Variants in UBAP1L observed in about 807,000 individuals in gnomAD.
UBAP1L encodes ubiquitin-associated protein 1-like.
A neutral mutation model predicts 32.1 loss-of-function variants in UBAP1L; 32 were observed. The observed-to-expected ratio is 1.00, with a 90% CI of 0.75 to 1.34. The LOEUF is 1.34. Ranked by LOEUF, UBAP1L falls within the 40% of genes most tolerant of loss-of-function variation. The probability of loss-of-function intolerance (pLI) is 0.00; values close to 1 mark genes in which losing one functional copy is unlikely to be tolerated. For synonymous variants in UBAP1L, 243 were observed against 250.2 expected (o/e 0.97, Z 0.27); for missense variants, 516 against 540.5 (o/e 0.95, Z 0.45).
chr15:65,094,868 G>C lies in UBAP1L; in HGVS notation c.910-292C>G, dbSNP rs990429574. On this transcript the variant is annotated intron_variant, in intron 4 of 5. Transcript: ENST00000559089. The surrounding 1 kb of genome is among the most constrained non-coding windows in gnomAD (Gnocchi z 4.2). ...AGGGTGTTCATAGAACCTAGGTGGGGAGCAGGACAGGCTTCAAACACAGAC... is the reference window on the plus strand; with the variant it reads ...AGGGTGTTCATAGAACCTAGGTGGGCAGCAGGACAGGCTTCAAACACAGAC... 7.2e-5 allele frequency: 33 copies of C among 461,528 alleles called. No individual in the cohort carries two copies. The highest frequency in any genetic ancestry group is 6.5e-4 in the African/African-American group (33 of 50,578). 28.6% of individuals were successfully genotyped at this position (461,528 alleles called of 1,614,324 possible).
intron 1 of UBAP1L, among the ~76,000 whole-genome samples, chr15:65,109,224 C>A (rs907344529): frequency 6.7e-6 from 1 of 149,854 alleles, no homozygotes; most frequent in South Asian, 2.1e-4. Context: ...GTGGCTCACA[C>A]CTGTAATCCC....
intron 4 of UBAP1L, chr15:65,098,682 A>G (rs1428947542): frequency 6.6e-6 from 1 of 152,208 alleles, no homozygotes; most frequent in Non-Finnish European, 1.5e-5. Context: ...CACCCACTGT[A>G]CAGTGAATGA....
chr15:65,093,270 C>T (rs1421514850), intron 5 of UBAP1L, 39 bp from the exon 6 acceptor site: 1 of 1,506,788 alleles, frequency 6.6e-7, no homozygotes. Context: ...GGGGGCTCTG[C>T]TGGGCCTGGC....
At chr15:65,112,481 G>A (rs1188787264) in intron 1 of UBAP1L, among the ~76,000 whole-genome samples, 11 of 152,188 alleles carry the variant, frequency 7.2e-5, no homozygotes, top group African/African-American at 2.7e-4. Context: ...TAGCCCATGA[G>A]GTGGTGCCCA....
Position 65,094,660 on chromosome 15 carries a change from C to A in UBAP1L, c.910-84G>T, listed in dbSNP as rs1302217521. The A allele has an allele frequency of 2.6e-5, 27 of 1,045,324 alleles. No homozygotes were observed. Among genetic ancestry groups the A allele is most frequent in the Non-Finnish European group, 3.7e-5 (26 of 693,664 alleles). 64.8% of individuals were successfully genotyped at this position (1,045,324 alleles called of 1,614,324 possible). A position where few individuals can be genotyped will look rare whatever the true frequency, so the allele number is the denominator to read the frequency against. On this transcript the variant is annotated intron_variant, in intron 4 of 5. Transcript: ENST00000559089. This position sits in a 1 kb window ranked among gnomAD's most constrained non-coding sequence, Gnocchi z 4.2. ...CAGGGCAGAGAGGCACTCCAAGGGC[C>A]TGAGCTGAGGGCCAGGCAACAGGGC...
At position 65,105,460 on chromosome 15, in the gene UBAP1L, G is replaced by A. The variant is rs930131538; in HGVS notation, c.120+636C>T. 1.1e-5 allele frequency: 4 copies of A among 376,454 alleles called. No individual in the cohort carries two copies. In the East Asian group the frequency reaches 2.5e-4, roughly 24 times the overall value. 23.3% of individuals were successfully genotyped at this position (376,454 alleles called of 1,614,324 possible). On this transcript the variant is annotated intron_variant, in intron 2 of 5. Coordinates refer to ENST00000559089, the MANE Select transcript of UBAP1L (RefSeq NM_001163692.2). ...TACCACTGCACTCCATCTAGTCTGGGTGACAGAGCGAGACTCTGTCTGAAA... is the reference window on the plus strand; with the variant it reads ...TACCACTGCACTCCATCTAGTCTGGATGACAGAGCGAGACTCTGTCTGAAA...
intron 2 of UBAP1L, 106 bp downstream of exon 2, chr15:65,105,990 C>A: frequency 6.7e-7 from 1 of 1,483,094 alleles, no homozygotes; most frequent in Admixed American, 2.4e-5. Context: ...CGGGGTTTCA[C>A]CATGTTGGCC....
At chr15:65,107,066 G>A (rs2087321381) in intron 1 of UBAP1L, among the ~76,000 whole-genome samples, 3 of 152,056 alleles carry the variant, frequency 2.0e-5, no homozygotes, top group Non-Finnish European at 4.4e-5. Context: ...GTCAAGTTAA[G>A]TTTATTTCAG....
Position 65,093,107 on chromosome 15 carries a change from CA to C in UBAP1L, c.1135del (p.Cys379ValfsTer15). The C allele has an allele frequency of 6.5e-7, 1 of 1,548,544 alleles. No homozygotes were observed. The highest frequency in any genetic ancestry group is 1.4e-5 in the African/African-American group (1 of 73,002). ...REQALEELVA[C>X]AQ ...GGAGTGCCTCCGTGGTCACTGGGCA[CA>C]GGCCACCAGCTCCTCCAGGGCTTGC... On this transcript the variant is annotated frameshift_variant, in exon 6 of 6. Coordinates refer to ENST00000559089, the MANE Select transcript of UBAP1L (RefSeq NM_001163692.2). LOFTEE classifies it high-confidence loss of function.
chr15:65,104,846 A>C, intron 2 of UBAP1L: 1 of 335,756 alleles, frequency 3.0e-6, no homozygotes, highest in Non-Finnish European at 5.9e-6. Context: ...TCTCTACTAA[A>C]AATACAAAAA....
chr15:65,109,999 A>G (rs2087357283), intron 1 of UBAP1L, among the ~76,000 whole-genome samples: 1 of 152,222 alleles, frequency 6.6e-6, no homozygotes, highest in Non-Finnish European at 1.5e-5. Context: ...TTAGCAATAC[A>G]ACAGCCAGGA....
Position 65,094,671 on chromosome 15 carries a change from G to C in UBAP1L, c.910-95C>G. ...GGCACTCCAAGGGCCTGAGCTGAGG[G>C]CCAGGCAACAGGGCAAGCCACCACC... On this transcript the variant is annotated intron_variant, in intron 4 of 5. Coordinates refer to ENST00000559089, the MANE Select transcript of UBAP1L (RefSeq NM_001163692.2). The surrounding 1 kb of genome is among the most constrained non-coding windows in gnomAD (Gnocchi z 4.2). 1.1e-6 allele frequency: 1 copy of C among 935,104 alleles called. No individual in the cohort carries two copies. The highest frequency in any genetic ancestry group is 1.7e-6 in the Non-Finnish European group (1 of 594,722). 57.9% of individuals were successfully genotyped at this position (935,104 alleles called of 1,614,324 possible). A position where few individuals can be genotyped will look rare whatever the true frequency, so the allele number is the denominator to read the frequency against.
chr15:65,113,876 T>G (rs1192548952), intron 1 of UBAP1L, among the ~76,000 whole-genome samples: 1 of 152,168 alleles, frequency 6.6e-6, no homozygotes, highest in African/African-American at 2.4e-5. Context: ...ACAGTGGCCT[T>G]TACAAAGTTT....
intron 3 of UBAP1L, chr15:65,101,743 T>C (rs1282935121): frequency 5.9e-6 from 1 of 168,412 alleles, no homozygotes; most frequent in Non-Finnish European, 1.3e-5. Flanking sequence ...ATGGGTCAAG[T>C]CGGCAGCTGG....
chr15:65,102,778 ACT>A lies in UBAP1L; in HGVS notation c.121-96_121-95del. 2 of 1,189,442 alleles carry A rather than the reference ACT, an allele frequency of 1.7e-6. No homozygotes were observed. Among genetic ancestry groups the A allele is most frequent in the Non-Finnish European group, 2.3e-6 (2 of 863,778 alleles). 73.7% of individuals were successfully genotyped at this position (1,189,442 alleles called of 1,614,324 possible). ...CCTGGGGGACCCTGTTCAGCCAGAG[ACT>A]CTCTAAGCCTGGACAGCGTCAGATT... On this transcript the variant is annotated intron_variant, in intron 2 of 5. Transcript: ENST00000559089. The surrounding 1 kb of genome is among the most constrained non-coding windows in gnomAD (Gnocchi z 5.0).
At chr15:65,096,232 CA>C (rs1207449641) in intron 4 of UBAP1L, 2 of 152,382 alleles carry the variant, frequency 1.3e-5, no homozygotes, top group South Asian at 2.1e-4. Context: ...GTGCTTATTG[CA>C]ACCACCTGAG....
Position 65,102,750 on chromosome 15 carries a change from T to C in UBAP1L, c.121-66A>G. 1.4e-6 allele frequency: 2 copies of C among 1,414,868 alleles called. No homozygotes were observed. Among genetic ancestry groups the C allele is most frequent in the Non-Finnish European group, 1.9e-6 (2 of 1,049,358 alleles). 87.6% of individuals were successfully genotyped at this position (1,414,868 alleles called of 1,614,324 possible). ...ACCCCGGGGGCACAACACTAACCCC[T>C]GGCCTGGGGGACCCTGTTCAGCCAG... On this transcript the variant is annotated intron_variant, in intron 2 of 5. Transcript: ENST00000559089. The surrounding 1 kb of genome is among the most constrained non-coding windows in gnomAD (Gnocchi z 5.0).
chr15:65,097,329 A>C (rs1595918882), intron 4 of UBAP1L: 1 of 152,522 alleles, frequency 6.6e-6, no homozygotes, highest in East Asian at 1.9e-4. Context: ...CTGGCCCCTC[A>C]CAGCCCTCCT....
intron 1 of UBAP1L, among the ~76,000 whole-genome samples, chr15:65,106,887 C>T (rs1055215501): frequency 6.6e-6 from 1 of 152,074 alleles, no homozygotes; most frequent in Non-Finnish European, 1.5e-5. Context: ...GTGATCCGGC[C>T]ACCTCAGCCT....
Sources: allele counts gnomAD v4.1 joint callset (sites outside exome capture counted in the v4.1 genomes callset), GRCh38; gene constraint gnomAD v4.1.1; non-coding constraint Gnocchi (gnomAD v3.1); transcripts MANE v1.5; gene names NCBI Gene and HGNC (gene_info 2026-07-23, HGNC 2026-07-21).